ATP11A: variants seen among roughly 807,000 people sequenced by gnomAD.
ATP11A encodes ATPase phospholipid transporting 11A.
In ATP11A, 81 loss-of-function variants were observed where a neutral mutation model predicts 154.4. That is an observed-to-expected ratio of 0.52 (90% CI 0.44 to 0.63). ATP11A has a LOEUF of 0.63. ATP11A is among the 30% of genes least tolerant of loss of function. The pLI is 0.00. For missense variants in ATP11A, 1,316 were observed against 1,474.3 expected (o/e 0.89, Z 1.76); for synonymous variants, 623 against 585.9 (o/e 1.06, Z -0.91).
In ATP11A at chr13:112,690,465, C is replaced by T. The variant is rs773708272; in HGVS notation, c.39+10C>T. The T allele has an allele frequency of 1.5e-6, 2 of 1,345,582 alleles. No individual in the cohort carries two copies. Among genetic ancestry groups the T allele is most frequent in the East Asian group, 5.7e-5 (2 of 34,856 alleles). 83.4% of individuals were successfully genotyped at this position (1,345,582 alleles called of 1,614,324 possible). On this transcript the variant is annotated intron_variant, in intron 1 of 29. Coordinates refer to ENST00000375645, the MANE Select transcript of ATP11A (RefSeq NM_015205.3). This position sits in a 1 kb window ranked among gnomAD's most constrained non-coding sequence, Gnocchi z 5.6. ...GCTCGTGCACAGATACGTGAGTGCT[C>T]CCGGCGCGGGCTGGGGGACCCGGGG...
intron 1 of ATP11A, among the ~76,000 whole-genome samples, chr13:112,724,114 G>A (rs1056471833): frequency 2.4e-5 from 1 of 40,950 alleles, no homozygotes; most frequent in Admixed American, 3.5e-4. Context: ...CGCCCCCTTC[G>A]CCCCCTTCTC....
intron 1 of ATP11A, among the ~76,000 whole-genome samples, chr13:112,702,474 G>A (rs561877433): frequency 8.5e-5 from 13 of 152,234 alleles, no homozygotes; most frequent in South Asian, 2.1e-4. Context: ...CGGGGGGTGC[G>A]TGATGGTGTC....
chr13:112,714,674 G>C (rs887495121), intron 1 of ATP11A, among the ~76,000 whole-genome samples: 8 of 152,218 alleles, frequency 5.3e-5, no homozygotes, highest in Non-Finnish European at 8.8e-5. Flanking sequence ...GAAGCTTCTC[G>C]ACCTTGGGCT....
intron 25 of ATP11A, among the ~76,000 whole-genome samples, chr13:112,870,418 G>A (rs764880296): frequency 3.9e-5 from 6 of 152,252 alleles, no homozygotes; most frequent in Non-Finnish European, 7.4e-5. Flanking sequence ...GTGCTCTGTC[G>A]CCCACGTTGG....
At chr13:112,748,085 CTGTG>C (rs1285045424) in intron 1 of ATP11A, among the ~76,000 whole-genome samples, 3 of 152,194 alleles carry the variant, frequency 2.0e-5, no homozygotes, top group Non-Finnish European at 4.4e-5. Context: ...TACCATCAGG[CTGTG>C]TGTATGAGGT....
Position 112,718,717 on chromosome 13 carries a change from C to T in ATP11A, c.39+28262C>T, listed in dbSNP as rs1043933255. 2.0e-5 allele frequency among the ~76,000 whole-genome samples: 3 copies of T among 146,986 alleles called. No individual in the cohort carries two copies. In the Admixed American group the frequency reaches 2.1e-4, roughly 10 times the overall value. The stretch of plus-strand genomic sequence containing the variant: ...CTGAGTTTCATTCTTGTCACCCAGG[C>T]TGGAGGGCAATAGCACGATCTTGGC... On this transcript the variant is annotated intron_variant, in intron 1 of 29. Coordinates refer to ENST00000375645, the MANE Select transcript of ATP11A (RefSeq NM_015205.3).
chr13:112,831,225 AG>A, intron 12 of ATP11A, 149 bp from the exon 13 acceptor site: 1 of 828,780 alleles, frequency 1.2e-6, no homozygotes, highest in Non-Finnish European at 1.9e-6. Flanking sequence ...CAGCCCAGTG[AG>A]GGGGTCTGTC....
In ATP11A at chr13:112,883,147, C is replaced by T. The variant is rs2080923147; in HGVS notation, c.*1281C>T. ...CCTCATCCCCACGTCCTCTCGTCCCCTTGTCCCGTCCCCACATACCCTCGT... is the reference window on the plus strand; with the variant it reads ...CCTCATCCCCACGTCCTCTCGTCCCTTTGTCCCGTCCCCACATACCCTCGT... On this transcript the variant is annotated 3_prime_UTR_variant, in exon 30 of 30. Coordinates refer to ENST00000375645, the MANE Select transcript of ATP11A (RefSeq NM_015205.3). 3 of 393,838 alleles carry T rather than the reference C, an allele frequency of 7.6e-6. No individual in the cohort carries two copies. Among genetic ancestry groups the T allele is most frequent in the East Asian group, 3.6e-5 (1 of 27,598 alleles). 24.4% of individuals were successfully genotyped at this position (393,838 alleles called of 1,614,324 possible). A position where few individuals can be genotyped will look rare whatever the true frequency, so the allele number is the denominator to read the frequency against.
chr13:112,735,871 C>T (rs774156178), intron 1 of ATP11A, among the ~76,000 whole-genome samples: 26 of 152,328 alleles, frequency 1.7e-4, no homozygotes, highest in Non-Finnish European at 2.6e-4. Flanking sequence ...CCTGACTTTT[C>T]CGAGGTGCAT....
Position 112,884,526 on chromosome 13 carries a change from G to T in ATP11A, c.*2660G>T, listed in dbSNP as rs1224620565. 6.6e-6 allele frequency: 1 copy of T among 152,172 alleles called. No homozygotes were observed. Among genetic ancestry groups the T allele is most frequent in the African/African-American group, 2.4e-5 (1 of 41,426 alleles). The allele number at this position is 152,172 out of a possible 1,614,324, so 9.4% of individuals were successfully genotyped here. A position where few individuals can be genotyped will look rare whatever the true frequency, so the allele number is the denominator to read the frequency against. ...AGGGGCACGAGATAAAAAAGAAAAGGATGAGAAGATCCTCAGTGAATGACG... is the reference window on the plus strand; with the variant it reads ...AGGGGCACGAGATAAAAAAGAAAAGTATGAGAAGATCCTCAGTGAATGACG... On this transcript the variant is annotated 3_prime_UTR_variant, in exon 30 of 30. Transcript: ENST00000375645.
chr13:112,721,821 G>T (rs1889223906), intron 1 of ATP11A, among the ~76,000 whole-genome samples: 1 of 152,166 alleles, frequency 6.6e-6, no homozygotes, highest in African/African-American at 2.4e-5. Context: ...ATTCAGATTA[G>T]TATGAGCAAA....
chr13:112,827,006 A>C, intron 12 of ATP11A, 115 bp downstream of exon 12: 1 of 1,015,536 alleles, frequency 9.8e-7, no homozygotes, highest in Non-Finnish European at 1.5e-6. Context: ...AGCTGGCGTA[A>C]GACAGCAGCA....
At chr13:112,787,032 C>G (rs1317805838) in intron 2 of ATP11A, among the ~76,000 whole-genome samples, 2 of 148,848 alleles carry the variant, frequency 1.3e-5, no homozygotes, top group East Asian at 4.0e-4. Context: ...GATGCGTAGA[C>G]CCCTGTGGAT....
intron 27 of ATP11A, among the ~76,000 whole-genome samples, chr13:112,874,618 T>G (rs2080657622): frequency 6.6e-6 from 1 of 152,112 alleles, no homozygotes; most frequent in Non-Finnish European, 1.5e-5. Context: ...TCAGGATCCC[T>G]CAGGGCCCCT....
chr13:112,764,493 A>T (rs1262527192), intron 1 of ATP11A, among the ~76,000 whole-genome samples: 1 of 152,218 alleles, frequency 6.6e-6, no homozygotes, highest in East Asian at 1.9e-4. Flanking sequence ...AGAACAGGGC[A>T]GGGAGAACTC....
chr13:112,816,379 C>T (rs2078646404), intron 6 of ATP11A, among the ~76,000 whole-genome samples, 168 bp downstream of exon 6: 1 of 152,170 alleles, frequency 6.6e-6, no homozygotes, highest in Non-Finnish European at 1.5e-5. Context: ...CTCCTATTTT[C>T]CACTTTCTTC....
At chr13:112,881,838 A>G (rs749039026) in intron 29 of ATP11A, 38 bp from the exon 30 acceptor site, 2 of 1,367,380 alleles carry the variant, frequency 1.5e-6, no homozygotes, top group Non-Finnish European at 2.0e-6. Flanking sequence ...CAGCCTCGGG[A>G]CCGCGACTCA....
At chr13:112,793,454 C>T (rs1400937477) in intron 2 of ATP11A, among the ~76,000 whole-genome samples, 3 of 152,210 alleles carry the variant, frequency 2.0e-5, no homozygotes, top group Non-Finnish European at 4.4e-5. Flanking sequence ...TCACCCGCCT[C>T]GGCCTCCCAA....
At chr13:112,757,638 TC>T (rs2076872725) in intron 1 of ATP11A, among the ~76,000 whole-genome samples, 1 of 152,198 alleles carries the variant, frequency 6.6e-6, no homozygotes, top group East Asian at 1.9e-4. Context: ...CCTTGTCTCA[TC>T]CCTCAAGGGA....
Sources: allele counts gnomAD v4.1 joint callset (sites outside exome capture counted in the v4.1 genomes callset), GRCh38; gene constraint gnomAD v4.1.1; non-coding constraint Gnocchi (gnomAD v3.1); transcripts MANE v1.5; gene names NCBI Gene and HGNC (gene_info 2026-07-23, HGNC 2026-07-21).